MYO10: variants seen among roughly 807,000 people sequenced by gnomAD.
The protein encoded by MYO10 is unconventional myosin-X.
Under a neutral mutation model 257.3 loss-of-function variants are expected in MYO10, and 133 were observed. The ratio of observed to expected loss-of-function variants is 0.52; its 90% CI spans 0.45 to 0.60. MYO10 has a LOEUF of 0.60. MYO10 is among the 20% of genes least tolerant of loss of function. MYO10 has a pLI of 0.00. For synonymous variants in MYO10, 1,104 were observed against 1,028.6 expected, an observed-to-expected ratio of 1.07 and a Z score of -1.40; for missense variants, 2,399 against 2,635.7, an observed-to-expected ratio of 0.91 and a Z score of 1.97.
intron 1 of MYO10, among the ~76,000 whole-genome samples, chr5:16,882,972 G>A (rs1330860425): frequency 4.1e-5 from 6 of 146,936 alleles, no homozygotes; most frequent in Non-Finnish European, 8.9e-5. Flanking sequence ...CTGGAATGCA[G>A]TAGTGCAATC....
chr5:16,726,768 A>G (rs1421314707), intron 19 of MYO10, among the ~76,000 whole-genome samples: 1 of 152,220 alleles, frequency 6.6e-6, no homozygotes, highest in African/African-American at 2.4e-5. Flanking sequence ...AATAGAAATC[A>G]ACTTCTGAGC....
chr5:16,677,400 T>C (rs72750521), intron 33 of MYO10, among the ~76,000 whole-genome samples: 15,034 of 149,310 alleles, frequency 0.1, 988 homozygotes, highest in Admixed American at 0.14. Flanking sequence ...TATGGACTTA[T>C]TTAGGGTAAC....
intron 2 of MYO10, among the ~76,000 whole-genome samples, chr5:16,864,148 ATTTTTT>A (rs34764765): frequency 1.3e-4 from 17 of 134,494 alleles, no homozygotes; most frequent in Middle Eastern, 3.8e-3. Flanking sequence ...CTATGTGGCT[ATTTTTT>A]TTTTTTTTTT....
chr5:16,790,127 G>A (rs1192515698), intron 4 of MYO10, among the ~76,000 whole-genome samples: 1 of 151,768 alleles, frequency 6.6e-6, no homozygotes, highest in African/African-American at 2.4e-5. Flanking sequence ...TGTATTTCTA[G>A]AAATAGAAAA....
chr5:16,876,821 C>T (rs1017431342), intron 2 of MYO10, among the ~76,000 whole-genome samples: 1 of 152,138 alleles, frequency 6.6e-6, no homozygotes, highest in African/African-American at 2.4e-5. Flanking sequence ...TCCCAAAGTG[C>T]TGGGATTACC....
intron 2 of MYO10, among the ~76,000 whole-genome samples, chr5:16,837,209 C>T (rs1743340092): frequency 6.6e-6 from 1 of 151,988 alleles, no homozygotes. Flanking sequence ...ACTTGGGAGG[C>T]TGAAGCAGGA....
chr5:16,715,776 C>T (rs1027139694), intron 19 of MYO10, among the ~76,000 whole-genome samples: 1 of 152,016 alleles, frequency 6.6e-6, no homozygotes, highest in African/African-American at 2.4e-5. Flanking sequence ...TACATTAAGG[C>T]CAGGCGCGGT....
chr5:16,762,526 ATTGCAGG>A lies in MYO10; in HGVS notation c.1587+12_1587+18del. 1.9e-6 allele frequency: 3 copies of A among 1,566,132 alleles called. No individual in the cohort carries two copies. The highest frequency in any genetic ancestry group is 2.6e-6 in the Non-Finnish European group (3 of 1,146,428). On this transcript the variant is annotated intron_variant, in intron 15 of 40. Coordinates refer to ENST00000513610, the MANE Select transcript of MYO10 (RefSeq NM_012334.3). ...ACGTGCTACTCCAATGTGATGAAGAATTGCAGGTTTTGACATACCGCATGCTGACTGT... is the reference window on the plus strand; with the variant it reads ...ACGTGCTACTCCAATGTGATGAAGAATTTTGACATACCGCATGCTGACTGT...
chr5:16,724,053 G>A (rs182453542), intron 19 of MYO10, among the ~76,000 whole-genome samples: 7 of 152,274 alleles, frequency 4.6e-5, no homozygotes, highest in Admixed American at 6.5e-5. Context: ...GTCAAAACTC[G>A]CGGAACTTTA....
chr5:16,707,626 TAA>T (rs950037707), intron 21 of MYO10, among the ~76,000 whole-genome samples: 8 of 152,090 alleles, frequency 5.3e-5, no homozygotes, highest in African/African-American at 1.9e-4. Flanking sequence ...GTCAGAAAAG[TAA>T]AAGTCTTGAG....
chr5:16,834,600 T>C (rs1743257555), intron 2 of MYO10, among the ~76,000 whole-genome samples: 2 of 152,324 alleles, frequency 1.3e-5, no homozygotes, highest in Middle Eastern at 3.4e-3. Flanking sequence ...TAAGATTACA[T>C]GATGAGGACT....
chr5:16,756,476 A>G lies in MYO10; in HGVS notation c.1849-1568T>C, dbSNP rs189019630. 1.2e-4 allele frequency among the ~76,000 whole-genome samples: 19 copies of G among 152,266 alleles called. No homozygotes were observed. The East Asian group carries it at 1.7e-3, about 14-fold the overall frequency. On this transcript the variant is annotated intron_variant, in intron 18 of 40. Coordinates refer to ENST00000513610, the MANE Select transcript of MYO10 (RefSeq NM_012334.3). ...CTTTTAATCCACTGGCTTTCCCTCC[A>G]TCTGTCTCTTTTTTCTTCTCATAAT...
intron 39 of MYO10, 44 bp from the exon 40 acceptor site, chr5:16,668,512 T>G: frequency 6.6e-7 from 1 of 1,511,806 alleles, no homozygotes; most frequent in South Asian, 1.3e-5. Flanking sequence ...ATGAAGTGGT[T>G]GGCAACAGAA....
At chr5:16,934,135 AAGATG>A (rs1746368587) in intron 1 of MYO10, among the ~76,000 whole-genome samples, 1 of 152,246 alleles carries the variant, frequency 6.6e-6, no homozygotes, top group Admixed American at 6.5e-5. Flanking sequence ...TATCCAGTGC[AAGATG>A]AAAAGAGTAC....
chr5:16,672,847 C>A (rs1232083199), intron 36 of MYO10, 22 bp from the exon 37 acceptor site: 12 of 1,609,610 alleles, frequency 7.5e-6, no homozygotes, highest in Non-Finnish European at 9.3e-6. Flanking sequence ...ACCAGGGGGA[C>A]TTCAGTTCCA....
chr5:16,918,495 CTTTTCTTTTTTT>C (rs1214174498), intron 1 of MYO10, among the ~76,000 whole-genome samples: 6 of 87,260 alleles, frequency 6.9e-5, no homozygotes, highest in Admixed American at 1.5e-4. Context: ...AACTATTTTT[CTTTTCTTTTTTT>C]TTTTTTTTTT....
At chr5:16,773,473 G>A (rs1741116787) in intron 9 of MYO10, among the ~76,000 whole-genome samples, 1 of 151,478 alleles carries the variant, frequency 6.6e-6, no homozygotes, top group Non-Finnish European at 1.5e-5. Context: ...TTTTAGCCTG[G>A]CAACATAGCA....
At chr5:16,853,326 A>C (rs1050293901) in intron 2 of MYO10, among the ~76,000 whole-genome samples, 1 of 151,768 alleles carries the variant, frequency 6.6e-6, no homozygotes, top group African/African-American at 2.4e-5. Flanking sequence ...GTGAGCTGAG[A>C]TCGCGCCACT....
intron 4 of MYO10, among the ~76,000 whole-genome samples, chr5:16,789,311 A>G (rs1741685983): frequency 2.0e-5 from 3 of 152,232 alleles, no homozygotes; most frequent in Non-Finnish European, 4.4e-5. Context: ...TTTTGCTGCC[A>G]TCTATAACAC....
Sources: allele counts gnomAD v4.1 joint callset (sites outside exome capture counted in the v4.1 genomes callset), GRCh38; gene constraint gnomAD v4.1.1; transcripts MANE v1.5; gene names NCBI Gene and HGNC (gene_info 2026-07-23, HGNC 2026-07-21).